RPSA2: variants seen among roughly 807,000 people sequenced by gnomAD.
The protein encoded by RPSA2 is ribosomal protein SA 2.
At chr19:23,859,991 G>T in the RPSA2 span, among the ~76,000 whole-genome samples, 1 of 152,090 alleles carries the variant, frequency 6.6e-6, no homozygotes, top group Non-Finnish European at 1.5e-5. Context: ...GGGCTCAAAA[G>T]TCTCTTAAAA....
At chr19:23,766,587 TG>T in the RPSA2 span, among the ~76,000 whole-genome samples, 2 of 150,850 alleles carry the variant, frequency 1.3e-5, no homozygotes, top group Non-Finnish European at 3.0e-5. Context: ...TCCGAGTAGC[TG>T]GGACTACAGG....
At chr19:23,815,260 A>G in the RPSA2 span, among the ~76,000 whole-genome samples, 1,811 of 152,272 alleles carry the variant, frequency 0.012, 40 homozygotes, top group African/African-American at 0.041. Context: ...CATGTGTTAA[A>G]CCTAGTTGGT....
At chr19:23,797,036 A>G in the RPSA2 span, among the ~76,000 whole-genome samples, 6 of 122,106 alleles carry the variant, frequency 4.9e-5, no homozygotes, top group African/African-American at 1.1e-4. Flanking sequence ...AAATGCTATA[A>G]ATTTCCCTTT....
the RPSA2 span, among the ~76,000 whole-genome samples, chr19:23,843,618 T>A: frequency 1.3e-5 from 2 of 152,320 alleles, no homozygotes; most frequent in East Asian, 1.9e-4. Context: ...GCATGTTAGA[T>A]CATTTGTTAG....
At chr19:23,827,641 C>A in the RPSA2 span, 2 of 1,594,894 alleles carry the variant, frequency 1.3e-6, no homozygotes, top group Non-Finnish European at 1.7e-6. Flanking sequence ...TGGACATTGC[C>A]ATCCCATGCA....
At chr19:23,758,509 T>A in the RPSA2 span, among the ~76,000 whole-genome samples, 7 of 152,190 alleles carry the variant, frequency 4.6e-5, no homozygotes, top group East Asian at 1.2e-3. Flanking sequence ...GACCCGGCGC[T>A]GCGGATGCAG....
At chr19:23,856,310 C>T in the RPSA2 span, among the ~76,000 whole-genome samples, 1 of 152,082 alleles carries the variant, frequency 6.6e-6, no homozygotes, top group Admixed American at 6.5e-5. Flanking sequence ...TCCCATAGTT[C>T]CACATCTAAC....
At chr19:23,793,947 AT>A in the RPSA2 span, among the ~76,000 whole-genome samples, 2 of 151,604 alleles carry the variant, frequency 1.3e-5, no homozygotes, top group Middle Eastern at 6.8e-3. Flanking sequence ...TTCTTTTCGT[AT>A]TTTTTTAGAG....
At chr19:23,810,407 A>G in the RPSA2 span, among the ~76,000 whole-genome samples, 1 of 5,796 alleles carries the variant, frequency 1.7e-4, no homozygotes, top group African/African-American at 1.8e-4. Flanking sequence ...AAAAAAAAAA[A>G]AAAAAAAAAA....
At chr19:23,869,845 G>C in the RPSA2 span, among the ~76,000 whole-genome samples, 1 of 152,188 alleles carries the variant, frequency 6.6e-6, no homozygotes, top group African/African-American at 2.4e-5. Context: ...CAGTCTTAAT[G>C]TCACATTTGT....
At chr19:23,860,886 C>T in the RPSA2 span, among the ~76,000 whole-genome samples, 92 of 152,246 alleles carry the variant, frequency 6.0e-4, no homozygotes, top group African/African-American at 1.9e-3. Context: ...CAAGACCTGC[C>T]AATTTCATAA....
chr19:23,864,062 G>A, the RPSA2 span, among the ~76,000 whole-genome samples: 1 of 152,256 alleles, frequency 6.6e-6, no homozygotes, highest in East Asian at 1.9e-4. Flanking sequence ...CAAGAAGACC[G>A]AACATGCACA....
chr19:23,845,031 G>T, the RPSA2 span, among the ~76,000 whole-genome samples: 1 of 146,180 alleles, frequency 6.8e-6, no homozygotes, highest in Admixed American at 6.8e-5. Flanking sequence ...TTCTTTGTAG[G>T]TTTTCAGGTT....
the RPSA2 span, among the ~76,000 whole-genome samples, chr19:23,842,156 A>T: frequency 6.6e-4 from 101 of 152,330 alleles, no homozygotes; most frequent in African/African-American, 2.1e-3. Flanking sequence ...ATTTTAACAA[A>T]ATCTCCAGGT....
At chr19:23,866,513 G>GCCCCCCCCCCC in the RPSA2 span, among the ~76,000 whole-genome samples, 1 of 142,284 alleles carries the variant, frequency 7.0e-6, no homozygotes, top group Non-Finnish European at 1.5e-5. Context: ...ACAATGTGGT[G>GCCCCCCCCCCC]CCCCCCCCCG....
At chr19:23,770,287 C>T in the RPSA2 span, among the ~76,000 whole-genome samples, 1 of 152,088 alleles carries the variant, frequency 6.6e-6, no homozygotes, top group African/African-American at 2.4e-5. Context: ...TTGCTGGACT[C>T]ACCACCTACG....
the RPSA2 span, chr19:23,831,776 T>A: frequency 3.5e-6 from 1 of 289,002 alleles, no homozygotes; most frequent in South Asian, 4.5e-5. Context: ...ACTTAACAAG[T>A]GTTTCACAAC....
the RPSA2 span, chr19:23,818,628 CAT>C: frequency 1.3e-5 from 2 of 152,274 alleles, no homozygotes; most frequent in Non-Finnish European, 2.9e-5. Context: ...TGCCTGCAAC[CAT>C]ATGATGTGAT....
the RPSA2 span, among the ~76,000 whole-genome samples, chr19:23,836,038 T>C: frequency 6.6e-6 from 1 of 152,174 alleles, no homozygotes; most frequent in Admixed American, 6.5e-5. Flanking sequence ...GTATAGGTGG[T>C]ATTTGGTTAG....
Sources: allele counts gnomAD v4.1 joint callset (sites outside exome capture counted in the v4.1 genomes callset), GRCh38; gene constraint gnomAD v4.1.1; transcripts MANE v1.5; gene names NCBI Gene and HGNC (gene_info 2026-07-23, HGNC 2026-07-21).